Variants in OPHN1 observed in about 807,000 individuals in gnomAD.
The protein encoded by OPHN1 is oligophrenin 1.
A neutral mutation model predicts 60.7 loss-of-function variants in OPHN1; 11 were observed. The ratio of observed to expected loss-of-function variants is 0.18; its 90% CI spans 0.11 to 0.30. OPHN1 has a LOEUF of 0.30. OPHN1 is among the 10% of genes least tolerant of loss of function. The probability of loss-of-function intolerance (pLI) is 1.00; values close to 1 mark genes in which losing one functional copy is unlikely to be tolerated. For synonymous variants in OPHN1, 226 were observed against 222.6 expected, an observed-to-expected ratio of 1.02 and a Z score of -0.14; for missense variants, 449 against 611.0, an observed-to-expected ratio of 0.73 and a Z score of 2.80.
At chrX:68,360,242 G>A (rs373729293) in intron 2 of OPHN1, among the ~76,000 whole-genome samples, 10 of 110,654 alleles carry the variant, frequency 9.0e-5, no homozygotes, top group Non-Finnish European at 1.5e-4. Context: ...GTAGTGTCAC[G>A]ATCATAGCTC....
At chrX:68,416,753 G>A (rs1249682018) in intron 2 of OPHN1, among the ~76,000 whole-genome samples, 1 of 111,876 alleles carries the variant, frequency 8.9e-6, no homozygotes, top group African/African-American at 3.3e-5. Context: ...ACACAAACAA[G>A]AAGGTCCAAG....
intron 3 of OPHN1, among the ~76,000 whole-genome samples, chrX:68,293,388 C>T (rs1802472112): frequency 8.9e-6 from 1 of 112,253 alleles, no homozygotes; most frequent in Non-Finnish European, 1.9e-5. Flanking sequence ...GTTAAACCCT[C>T]ATGTCTCAGA....
intron 15 of OPHN1, among the ~76,000 whole-genome samples, chrX:68,141,480 T>C (rs1336561641): frequency 5.4e-5 from 6 of 111,899 alleles, no homozygotes; most frequent in East Asian, 2.8e-4. Context: ...GTGATGTTTA[T>C]GTTCACTTAG....
chrX:68,065,131 T>G (rs1214302222), intron 20 of OPHN1, among the ~76,000 whole-genome samples: 2 of 110,926 alleles, frequency 1.8e-5, no homozygotes, highest in Non-Finnish European at 3.8e-5. Flanking sequence ...CCCTAGAACT[T>G]AAAGTATAAT....
At chrX:68,350,465 T>TCCC (rs1288970225) in intron 2 of OPHN1, among the ~76,000 whole-genome samples, 33 of 71,126 alleles carry the variant, frequency 4.6e-4, no homozygotes, top group African/African-American at 1.8e-3. Flanking sequence ...CCTTCCTTCC[T>TCCC]TCCTTCCTCC....
chrX:68,127,844 ATC>A (rs1279724764), intron 15 of OPHN1, among the ~76,000 whole-genome samples: 1 of 111,680 alleles, frequency 9.0e-6, no homozygotes, highest in Non-Finnish European at 1.9e-5. Flanking sequence ...GTAAACCAGA[ATC>A]TCTGATTCAG....
intron 18 of OPHN1, among the ~76,000 whole-genome samples, chrX:68,100,449 G>A (rs1269289224): frequency 1.8e-5 from 2 of 111,595 alleles, no homozygotes; most frequent in East Asian, 5.6e-4. Context: ...AATATTTGTG[G>A]ATGAAATAAT....
chrX:68,311,783 T>C (rs1312617106), intron 2 of OPHN1, among the ~76,000 whole-genome samples: 1 of 111,602 alleles, frequency 9.0e-6, no homozygotes, highest in Admixed American at 9.6e-5. Context: ...AGTTATACTA[T>C]AATAGATACA....
At chrX:68,317,539 A>AAAAGAAAGAAAGAAAGAAAGAAAGAAAG (rs762679584) in intron 2 of OPHN1, among the ~76,000 whole-genome samples, 3 of 58,951 alleles carry the variant, frequency 5.1e-5, no homozygotes, top group African/African-American at 4.0e-4. Flanking sequence ...AAGAAAGAAA[A>AAAAGAAAGAAAGAAAGAAAGAAAGAAAG]AAAGAAAGAA....
intron 15 of OPHN1, among the ~76,000 whole-genome samples, chrX:68,153,334 T>C (rs1602194644): frequency 8.9e-6 from 1 of 111,833 alleles, no homozygotes; most frequent in Non-Finnish European, 1.9e-5. Flanking sequence ...ATAAGCTGTC[T>C]TGTGGCACCA....
chrX:68,099,426 A>C (rs924885322), intron 18 of OPHN1, among the ~76,000 whole-genome samples: 9 of 111,485 alleles, frequency 8.1e-5, no homozygotes, highest in Non-Finnish European at 1.3e-4. Context: ...GGGGCAAGGC[A>C]GGTAACTTAC....
chrX:68,409,279 A>G (rs1008924412), intron 2 of OPHN1, among the ~76,000 whole-genome samples: 7 of 111,200 alleles, frequency 6.3e-5, no homozygotes, highest in African/African-American at 2.3e-4. Context: ...AATTCTATAA[A>G]CCCTAGGCCA....
chrX:68,248,402 A>G (rs2077817686), intron 5 of OPHN1, among the ~76,000 whole-genome samples: 1 of 111,964 alleles, frequency 8.9e-6, no homozygotes, highest in African/African-American at 3.2e-5. Context: ...ATATCATCTC[A>G]CCCAGTTAAA....
At chrX:68,425,950 C>T (rs1376542684) in intron 2 of OPHN1, among the ~76,000 whole-genome samples, 1 of 108,040 alleles carries the variant, frequency 9.3e-6, no homozygotes, top group Non-Finnish European at 1.9e-5. Flanking sequence ...CCCACCTCAG[C>T]CCCCTGAGTA....
intron 5 of OPHN1, among the ~76,000 whole-genome samples, chrX:68,267,834 A>G (rs1253833007): frequency 8.9e-6 from 1 of 111,996 alleles, no homozygotes. Context: ...AGATGCAACA[A>G]AAAATGATAA....
At chrX:68,117,115 A>T (rs1021707245) in intron 16 of OPHN1, among the ~76,000 whole-genome samples, 5 of 111,510 alleles carry the variant, frequency 4.5e-5, no homozygotes, top group African/African-American at 1.6e-4. Flanking sequence ...TTTTTAAAAG[A>T]TCCTTTAAAG....
chrX:68,403,519 G>A lies in OPHN1; in HGVS notation c.154+29348C>T, dbSNP rs140209760. On this transcript the variant is annotated intron_variant, in intron 2 of 24. Transcript: ENST00000355520. ...AGCAATTTTTTGAGCATGTGCAAGC[G>A]TGTTTTCTTTTTGAAGGTGTTGATG... Among the ~76,000 whole-genome samples, 167 of 111,486 alleles carry A rather than the reference G, an allele frequency of 1.5e-3. 1 individual carries two copies. The highest frequency in any genetic ancestry group is 5.0e-3 in the African/African-American group (153 of 30,687).
intron 6 of OPHN1, among the ~76,000 whole-genome samples, chrX:68,222,814 A>G (rs977057998): frequency 1.8e-4 from 13 of 70,798 alleles, no homozygotes; most frequent in Admixed American, 8.4e-4. Context: ...GCATCGGCAG[A>G]TATACCTAAT....
chrX:68,273,569 C>T lies in OPHN1; in HGVS notation c.384+1169G>A, dbSNP rs187250287. Among the ~76,000 whole-genome samples, 81 of 112,171 alleles carry T rather than the reference C, an allele frequency of 7.2e-4. 1 individual carries two copies. The highest frequency in any genetic ancestry group is 2.6e-3 in the African/African-American group (79 of 30,927). On this transcript the variant is annotated intron_variant, in intron 5 of 24. Transcript: ENST00000355520. Reference sequence around the variant, plus strand: ...TGGAAATGTATTTTATCTGCACTGTCCAACACAGTAGCTACTAGACACAAG... The same window carrying T: ...TGGAAATGTATTTTATCTGCACTGTTCAACACAGTAGCTACTAGACACAAG...
Sources: gnomAD v4.1 joint callset for allele counts (sites outside exome capture counted in the v4.1 genomes callset) on GRCh38, gnomAD v4.1.1 for gene constraint, MANE v1.5 for transcripts, NCBI Gene and HGNC (gene_info 2026-07-23, HGNC 2026-07-21) for gene names.